The following ADAM19 variants were observed in gnomAD, a reference collection of about 807,000 sequenced individuals.
ADAM19 encodes the protein ADAM metallopeptidase domain 19.
A neutral mutation model predicts 114.7 loss-of-function variants in ADAM19; 65 were observed. The observed-to-expected ratio is 0.57, with a 90% CI of 0.46 to 0.70. The LOEUF (loss-of-function observed/expected upper bound fraction) is 0.70, where lower values mean the gene tolerates loss of function less well. ADAM19 is among the 30% of genes least tolerant of loss of function. ADAM19 has a pLI of 0.00. For synonymous variants in ADAM19, 466 were observed against 460.5 expected (o/e 1.01, Z -0.15); for missense variants, 1,063 against 1,204.7 (o/e 0.88, Z 1.74).
chr5:157,559,600 TA>T (rs1349312097), intron 3 of ADAM19, among the ~76,000 whole-genome samples: 27 of 152,320 alleles, frequency 1.8e-4, no homozygotes, highest in African/African-American at 6.0e-4. Flanking sequence ...TGCCTGCAGC[TA>T]ACTAAGGAGG....
chr5:157,496,711 G>A (rs188498809), intron 14 of ADAM19, among the ~76,000 whole-genome samples, 183 bp downstream of exon 14: 1 of 152,296 alleles, frequency 6.6e-6, no homozygotes, highest in African/African-American at 2.4e-5. Context: ...AAAGCATCAA[G>A]GGACTGGGAA....
At chr5:157,504,152 G>A (rs768813355) in intron 11 of ADAM19, among the ~76,000 whole-genome samples, 26 of 152,204 alleles carry the variant, frequency 1.7e-4, no homozygotes, top group Non-Finnish European at 2.8e-4. Context: ...CTTCAGATAC[G>A]CTTTTTAGAT....
At chr5:157,498,971 G>A (rs1401731959) in intron 13 of ADAM19, among the ~76,000 whole-genome samples, 1 of 152,030 alleles carries the variant, frequency 6.6e-6, no homozygotes, top group African/African-American at 2.4e-5. Context: ...TTGTGGAAGA[G>A]AGATTGTGGT....
At chr5:157,507,891 G>C (rs1479927082) in intron 9 of ADAM19, among the ~76,000 whole-genome samples, 1 of 152,028 alleles carries the variant, frequency 6.6e-6, no homozygotes, top group African/African-American at 2.4e-5. Flanking sequence ...TGTATTTAAA[G>C]AACCTATATG....
At chr5:157,495,599 A>G (rs933400936) in intron 14 of ADAM19, among the ~76,000 whole-genome samples, 1 of 152,150 alleles carries the variant, frequency 6.6e-6, no homozygotes, top group African/African-American at 2.4e-5. Context: ...TGTATCTTCT[A>G]GAGATAATCT....
intron 1 of ADAM19, among the ~76,000 whole-genome samples, chr5:157,572,519 T>G (rs1757860049): frequency 6.6e-6 from 1 of 152,208 alleles, no homozygotes; most frequent in African/African-American, 2.4e-5. Context: ...CCATAGTTGT[T>G]CTGTTAGAGT....
In ADAM19 at chr5:157,537,978, G is replaced by A; in HGVS notation, c.265C>T (p.Pro89Ser). 1 of 1,613,846 alleles carries A rather than the reference G, an allele frequency of 6.2e-7. No individual in the cohort carries two copies. Among genetic ancestry groups the A allele is most frequent in the Admixed American group, 1.7e-5 (1 of 59,994 alleles). Residue 89 changes from proline to serine, a missense_variant, in exon 4 of 23, where the codon CCT (proline) becomes TCT (serine). Around this residue, in one of 3 missense-constraint regions of ADAM19, gnomAD observed 615 missense variants for 706.3 expected, o/e 0.87. Transcript: ENST00000257527. ...DLEKNEQLFA[P>S]SYTETHYTSS... ...GTATAATGGGTTTCTGTGTAGGAAG[G>A]AGCAAAAAGTTGCCTGCAAAAAATA...
At chr5:157,566,375 T>C (rs1757663735) in intron 2 of ADAM19, 1 of 152,218 alleles carries the variant, frequency 6.6e-6, no homozygotes, top group African/African-American at 2.4e-5. Flanking sequence ...AGCCTAACCA[T>C]TACCATAGTT....
chr5:157,498,637 C>T (rs1755442232), intron 13 of ADAM19, among the ~76,000 whole-genome samples: 1 of 150,844 alleles, frequency 6.6e-6, no homozygotes, highest in Non-Finnish European at 1.5e-5. Context: ...TATTGTAATA[C>T]ATAGGTCCAT....
At chr5:157,547,278 G>A (rs1224213991) in intron 3 of ADAM19, among the ~76,000 whole-genome samples, 2 of 152,174 alleles carry the variant, frequency 1.3e-5, no homozygotes, top group Non-Finnish European at 2.9e-5. Flanking sequence ...ACAAGCTAAG[G>A]AAAACTCCAG....
chr5:157,529,318 CTT>C (rs1689917221), intron 5 of ADAM19, among the ~76,000 whole-genome samples: 1 of 130,240 alleles, frequency 7.7e-6, no homozygotes, highest in African/African-American at 3.2e-5. Context: ...CATCATCCTT[CTT>C]CAAAAAAAAA....
At chr5:157,495,981 C>T (rs966161502) in intron 14 of ADAM19, among the ~76,000 whole-genome samples, 3 of 115,016 alleles carry the variant, frequency 2.6e-5, no homozygotes, top group Non-Finnish European at 4.9e-5. Flanking sequence ...ATCCCTCTGT[C>T]GCTTGGGCTG....
chr5:157,504,164 G>C (rs973171441), intron 11 of ADAM19, among the ~76,000 whole-genome samples: 3 of 152,182 alleles, frequency 2.0e-5, no homozygotes, highest in African/African-American at 7.2e-5. Context: ...TTTTTAGATT[G>C]AGAGAGAAAG....
intron 13 of ADAM19, among the ~76,000 whole-genome samples, chr5:157,498,658 G>A (rs937494573): frequency 1.4e-5 from 2 of 146,502 alleles, no homozygotes; most frequent in Admixed American, 1.4e-4. Context: ...ATGTACATGT[G>A]TGTACATATA....
intron 3 of ADAM19, among the ~76,000 whole-genome samples, chr5:157,546,000 C>T (rs565670568): frequency 6.6e-6 from 1 of 152,392 alleles, no homozygotes; most frequent in African/African-American, 2.4e-5. Flanking sequence ...TGCAAGTCCA[C>T]TTGCACCCTC....
chr5:157,568,160 A>T (rs1466966830), intron 2 of ADAM19: 1 of 152,084 alleles, frequency 6.6e-6, no homozygotes, highest in Non-Finnish European at 1.5e-5. Context: ...ATTTTAGTAG[A>T]CAGGGTTTCT....
chr5:157,542,247 G>T, intron 3 of ADAM19, among the ~76,000 whole-genome samples: 1 of 144,382 alleles, frequency 6.9e-6, no homozygotes, highest in Non-Finnish European at 1.5e-5. Context: ...TAAGAAATCT[G>T]TATTTTTAAT....
At chr5:157,559,471 G>A (rs1371063237) in intron 3 of ADAM19, among the ~76,000 whole-genome samples, 1 of 152,168 alleles carries the variant, frequency 6.6e-6, no homozygotes, top group African/African-American at 2.4e-5. Context: ...CTAGTAATGC[G>A]GCCCAGTGAG....
chr5:157,536,265 G>A (rs1756761378), intron 4 of ADAM19, among the ~76,000 whole-genome samples: 1 of 152,166 alleles, frequency 6.6e-6, no homozygotes, highest in African/African-American at 2.4e-5. Context: ...AGGCTGAGGT[G>A]GGTGGATCAC....
Sources: gnomAD v4.1 joint callset for allele counts (sites outside exome capture counted in the v4.1 genomes callset) on GRCh38, gnomAD v4.1.1 for gene constraint, gnomAD v4.1.1 regional missense constraint, MANE v1.5 for transcripts, NCBI Gene and HGNC (gene_info 2026-07-23, HGNC 2026-07-21) for gene names.